Variants in PRKN observed in about 807,000 individuals in gnomAD.
PRKN encodes E3 ubiquitin-protein ligase parkin.
In PRKN, 56 loss-of-function variants were observed where a neutral mutation model predicts 59.5. The ratio of observed to expected loss-of-function variants is 0.94; its 90% CI spans 0.76 to 1.18. PRKN has a LOEUF of 1.18. Ranked by LOEUF, PRKN falls within the 50% of genes most tolerant of loss-of-function variation. PRKN has a pLI of 0.00. For missense variants in PRKN, 657 were observed against 596.4 expected, an observed-to-expected ratio of 1.10 and a Z score of -1.06; for synonymous variants, 250 against 222.1, an observed-to-expected ratio of 1.13 and a Z score of -1.12.
intron 7 of PRKN, among the ~76,000 whole-genome samples, chr6:161,637,712 TAA>T (rs10602359): frequency 0.012 from 1,745 of 147,612 alleles, 23 homozygotes; most frequent in African/African-American, 0.035. Context: ...CTTTTATCCT[TAA>T]AAAAAAAAAA....
intron 1 of PRKN, among the ~76,000 whole-genome samples, chr6:162,605,487 C>T (rs1002321902): frequency 3.3e-5 from 5 of 151,978 alleles, no homozygotes; most frequent in African/African-American, 1.2e-4. Flanking sequence ...TAATTTAAAA[C>T]TAAAATTCTA....
At chr6:162,189,529 A>G (rs1157666249) in intron 4 of PRKN, among the ~76,000 whole-genome samples, 5 of 151,224 alleles carry the variant, frequency 3.3e-5, no homozygotes, top group African/African-American at 1.2e-4. Context: ...TAAACATCAA[A>G]TAATAATAAT....
chr6:161,859,989 G>A (rs1793823953), intron 6 of PRKN, among the ~76,000 whole-genome samples: 1 of 152,098 alleles, frequency 6.6e-6, no homozygotes, highest in Non-Finnish European at 1.5e-5. Flanking sequence ...TACTAGTCTC[G>A]TGATAACAGT....
intron 2 of PRKN, among the ~76,000 whole-genome samples, chr6:162,269,247 C>T (rs1353069738): frequency 6.6e-6 from 1 of 152,130 alleles, no homozygotes; most frequent in East Asian, 1.9e-4. Context: ...ACAATACCGT[C>T]TTTAAGAAAA....
At chr6:162,347,150 T>G (rs1784437279) in intron 2 of PRKN, among the ~76,000 whole-genome samples, 1 of 151,218 alleles carries the variant, frequency 6.6e-6, no homozygotes. Flanking sequence ...TTATTTTTAT[T>G]ATTTTATTTA....
chr6:161,966,592 A>T (rs1780590573), intron 6 of PRKN, among the ~76,000 whole-genome samples: 1 of 152,210 alleles, frequency 6.6e-6, no homozygotes, highest in African/African-American at 2.4e-5. Flanking sequence ...CAAGTGCTAG[A>T]CTTACTGTGC....
intron 4 of PRKN, among the ~76,000 whole-genome samples, chr6:162,100,932 T>G (rs1229000160): frequency 6.6e-6 from 1 of 152,190 alleles, no homozygotes; most frequent in African/African-American, 2.4e-5. Flanking sequence ...TTGGGTTACT[T>G]ATTTTCTAAC....
chr6:161,704,758 T>C (rs1382902315), intron 7 of PRKN, among the ~76,000 whole-genome samples: 2 of 152,166 alleles, frequency 1.3e-5, no homozygotes, highest in East Asian at 1.9e-4. Flanking sequence ...CCTTTCTCTG[T>C]ATCCAAATGA....
In PRKN at chr6:161,994,044, A is replaced by T. The variant is rs76092868; in HGVS notation, c.619-20627T>A. On this transcript the variant is annotated intron_variant, in intron 5 of 11. Coordinates refer to ENST00000366898, the MANE Select transcript of PRKN (RefSeq NM_004562.3). ...CCTCTAACATTGGTGATGAAATTTC[A>T]ACATAAGATTTGGGTGGTCAAATAT... Among the ~76,000 whole-genome samples, 330 of 152,342 alleles carry T rather than the reference A, an allele frequency of 2.2e-3. 2 individuals are homozygous for T. Among genetic ancestry groups the T allele is most frequent in the Non-Finnish European group, 3.2e-3 (221 of 68,038 alleles).
chr6:162,308,435 A>G (rs1431339397), intron 2 of PRKN, among the ~76,000 whole-genome samples: 1 of 152,202 alleles, frequency 6.6e-6, no homozygotes, highest in Non-Finnish European at 1.5e-5. Flanking sequence ...GCTTTAGATA[A>G]GACACTCAAG....
chr6:162,010,481 A>C (rs1282589585), intron 5 of PRKN, among the ~76,000 whole-genome samples: 1 of 53,656 alleles, frequency 1.9e-5, no homozygotes, highest in Non-Finnish European at 2.9e-5. Context: ...TATATAATGT[A>C]TTTATAATAT....
intron 7 of PRKN, among the ~76,000 whole-genome samples, chr6:161,676,741 T>C (rs921924935): frequency 4.6e-5 from 7 of 152,148 alleles, no homozygotes; most frequent in African/African-American, 1.2e-4. Flanking sequence ...CTGGCCTGTT[T>C]TGGGGACTTT....
rs1361525818 is a variant in PRKN at position 162,446,763 on chromosome 6, A to G, written c.8-3290T>C. Reference sequence around the variant, plus strand: ...AAAATGGCTAGTGCTGAATGGCAGTAATGTGATTTGAGTGGGTCTCAACCT... The same window carrying G: ...AAAATGGCTAGTGCTGAATGGCAGTGATGTGATTTGAGTGGGTCTCAACCT... On this transcript the variant is annotated intron_variant, in intron 1 of 11. Coordinates refer to ENST00000366898, the MANE Select transcript of PRKN (RefSeq NM_004562.3). Among the ~76,000 whole-genome samples the G allele has an allele frequency of 2.0e-5, 3 of 152,310 alleles. No individual in the cohort carries two copies. The East Asian group carries it at 5.8e-4, about 29-fold the overall frequency.
chr6:161,375,324 G>A (rs910808301), intron 10 of PRKN, among the ~76,000 whole-genome samples: 2 of 152,192 alleles, frequency 1.3e-5, no homozygotes, highest in Non-Finnish European at 2.9e-5. Context: ...GCAGGAGAGC[G>A]CTTGGAGAGC....
chr6:161,626,755 G>A (rs866698191), intron 7 of PRKN, among the ~76,000 whole-genome samples: 1 of 152,292 alleles, frequency 6.6e-6, no homozygotes, highest in Non-Finnish European at 1.5e-5. Context: ...ACCCCAAGGA[G>A]GGTACTGTAA....
chr6:161,749,473 T>G (rs190152738), intron 7 of PRKN, among the ~76,000 whole-genome samples: 96 of 152,340 alleles, frequency 6.3e-4, no homozygotes, highest in African/African-American at 2.2e-3. Flanking sequence ...GATCAATTTC[T>G]ATGCAGAAGT....
chr6:161,567,490 G>A (rs1448301925), intron 8 of PRKN, among the ~76,000 whole-genome samples: 2 of 151,994 alleles, frequency 1.3e-5, no homozygotes, highest in East Asian at 1.9e-4. Context: ...TGTAACCTAG[G>A]ATGGTATATA....
chr6:162,387,898 C>A (rs1417172188), intron 2 of PRKN, among the ~76,000 whole-genome samples: 1 of 152,200 alleles, frequency 6.6e-6, no homozygotes, highest in Non-Finnish European at 1.5e-5. Context: ...ATTCCTCCAA[C>A]CAGCGCTGTC....
At chr6:162,281,573 GA>G (rs1780912974) in intron 2 of PRKN, among the ~76,000 whole-genome samples, 1 of 152,054 alleles carries the variant, frequency 6.6e-6, no homozygotes, top group Admixed American at 6.5e-5. Flanking sequence ...AGGGAAAAAT[GA>G]AAGCAAAATC....
Sources: allele counts gnomAD v4.1 joint callset (sites outside exome capture counted in the v4.1 genomes callset), GRCh38; gene constraint gnomAD v4.1.1; transcripts MANE v1.5; gene names NCBI Gene and HGNC (gene_info 2026-07-23, HGNC 2026-07-21).